Variants in FRAS1 observed in about 807,000 individuals in gnomAD.
The protein encoded by FRAS1 is Fraser extracellular matrix complex subunit 1.
FRAS1 carries 290 observed loss-of-function variants against 435.2 expected under a neutral mutation model. The observed-to-expected ratio is 0.67, with a 90% confidence interval of 0.61 to 0.73. The LOEUF (loss-of-function observed/expected upper bound fraction) is 0.73, where lower values mean the gene tolerates loss of function less well. FRAS1 is among the 30% of genes least tolerant of loss of function. The pLI, the probability that FRAS1 is intolerant of heterozygous loss-of-function variation, is 0.00. For missense variants in FRAS1, 4,860 were observed against 5,001.5 expected (o/e 0.97, Z 0.85); for synonymous variants, 1,800 against 1,851.0 (o/e 0.97, Z 0.71).
intron 2 of FRAS1, among the ~76,000 whole-genome samples, chr4:78,127,500 TG>T (rs1317272726): frequency 1.3e-5 from 2 of 152,134 alleles, no homozygotes; most frequent in East Asian, 3.9e-4. Context: ...GAGGTAGCAC[TG>T]GGGTGGAGAA....
chr4:78,267,217 C>T, intron 8 of FRAS1, 24 bp from the exon 9 acceptor site: 1 of 1,609,834 alleles, frequency 6.2e-7, no homozygotes, highest in Non-Finnish European at 8.5e-7. Context: ...AGGACTGCCC[C>T]TCACCTTCCT....
chr4:78,121,709 G>C (rs1364631191), intron 2 of FRAS1, among the ~76,000 whole-genome samples: 1 of 152,206 alleles, frequency 6.6e-6, no homozygotes, highest in Non-Finnish European at 1.5e-5. Flanking sequence ...TTTTAGACTG[G>C]ACCGTGTGTG....
intron 2 of FRAS1, among the ~76,000 whole-genome samples, chr4:78,120,129 A>T (rs1443614392): frequency 6.6e-6 from 1 of 152,212 alleles, no homozygotes; most frequent in Non-Finnish European, 1.5e-5. Flanking sequence ...TGGAATTGGC[A>T]GCATGTTTGG....
At chr4:78,233,368 C>T (rs976297666) in intron 2 of FRAS1, among the ~76,000 whole-genome samples, 5 of 152,148 alleles carry the variant, frequency 3.3e-5, no homozygotes, top group Non-Finnish European at 4.4e-5. Flanking sequence ...TTCATTTCTC[C>T]CTTATTCAAC....
chr4:78,339,798 A>G (rs549759937), intron 20 of FRAS1, among the ~76,000 whole-genome samples: 6 of 152,342 alleles, frequency 3.9e-5, no homozygotes, highest in Admixed American at 2.6e-4. Context: ...TTTGTGAGCA[A>G]TAGGGCCATG....
chr4:78,380,959 G>T (rs557278479), intron 27 of FRAS1, among the ~76,000 whole-genome samples: 1 of 152,272 alleles, frequency 6.6e-6, no homozygotes, highest in Admixed American at 6.5e-5. Flanking sequence ...TTTGAGCCAG[G>T]CATCATGTTA....
At chr4:78,254,944 C>T (rs1313693004) in intron 5 of FRAS1, among the ~76,000 whole-genome samples, 8 of 152,106 alleles carry the variant, frequency 5.3e-5, no homozygotes, top group South Asian at 2.1e-4. Flanking sequence ...CCAGCCCCCA[C>T]GAGGGTTGGG....
intron 2 of FRAS1, among the ~76,000 whole-genome samples, chr4:78,072,348 G>A (rs1740401648): frequency 6.6e-6 from 1 of 152,174 alleles, no homozygotes; most frequent in Non-Finnish European, 1.5e-5. Flanking sequence ...TAACACACAA[G>A]AGATAGCCCT....
intron 64 of FRAS1, 63 bp from the exon 65 acceptor site, chr4:78,513,329 G>A: frequency 6.6e-7 from 1 of 1,509,812 alleles, no homozygotes; most frequent in Non-Finnish European, 9.1e-7. Context: ...TGAGAAAGAA[G>A]TATGTCCTAT....
chr4:78,448,336 G>A lies in FRAS1; in HGVS notation c.6274+20G>A. 2 of 1,573,360 alleles carry A rather than the reference G, an allele frequency of 1.3e-6. No individual in the cohort carries two copies. Among genetic ancestry groups the A allele is most frequent in the Non-Finnish European group, 1.7e-6 (2 of 1,158,498 alleles). ...CAGCAGGTACCACAGAAATAAAGGAGAGTGGCCATGGTTTTTCTATCCTTA... is the reference window on the plus strand; with the variant it reads ...CAGCAGGTACCACAGAAATAAAGGAAAGTGGCCATGGTTTTTCTATCCTTA... On this transcript the variant is annotated intron_variant, in intron 44 of 73. Transcript: ENST00000512123.
rs377369857 is a variant in FRAS1, at chr4:78,508,853, C to T, written c.9627C>T (p.Tyr3209=). 2.2e-4 allele frequency: 358 copies of T among 1,613,848 alleles called. 5 individuals carry two copies. The East Asian group carries it at 4.3e-3, about 19-fold the overall frequency. Reference sequence around the variant, plus strand: ...CCTGCGACCCTCATTTCCCCAGATACGCTGTCATGAAGGAGCGCTGCAGTG... The same window carrying T: ...CCTGCGACCCTCATTTCCCCAGATATGCTGTCATGAAGGAGCGCTGCAGTG... ...VTPCDPHFPR[Y]AVMKERCSEA... Residue 3209 remains tyrosine (Y), a synonymous_variant, in exon 63 of 74, where the codon TAC becomes TAT. Transcript: ENST00000512123.
chr4:78,065,924 G>T, intron 1 of FRAS1, 61 bp from the exon 2 acceptor site: 1 of 1,257,514 alleles, frequency 8.0e-7, no homozygotes, highest in East Asian at 2.3e-5. Context: ...AAGCTTGCTG[G>T]GGCAGTGCCT....
intron 73 of FRAS1, among the ~76,000 whole-genome samples, chr4:78,539,928 CCTTCAGAACT>C (rs1161355293): frequency 1.3e-5 from 2 of 152,014 alleles, no homozygotes; most frequent in Non-Finnish European, 2.9e-5. Context: ...AATCTATGAC[CCTTCAGAACT>C]ATTATCATGC....
intron 2 of FRAS1, among the ~76,000 whole-genome samples, chr4:78,158,842 G>A (rs554589323): frequency 1.8e-4 from 28 of 152,224 alleles, no homozygotes; most frequent in South Asian, 8.3e-4. Context: ...CTGCCGTTCC[G>A]TCTTTACATC....
chr4:78,472,170 T>C lies in FRAS1; in HGVS notation c.7372-10T>C, dbSNP rs755714317. 30 of 1,613,438 alleles carry C rather than the reference T, an allele frequency of 1.9e-5. No homozygotes were observed. In the South Asian group the frequency reaches 3.2e-4, roughly 17 times the overall value. ...CCTCAGGAATTAAATTAAATGGGTT[T>C]CTATTCTAGGCAACCAACCTGATCA... On this transcript the variant is annotated splice_polypyrimidine_tract_variant and intron_variant, in intron 51 of 73. Coordinates refer to ENST00000512123, the MANE Select transcript of FRAS1 (RefSeq NM_025074.7).
intron 45 of FRAS1, 46 bp from the exon 46 acceptor site, chr4:78,451,726 G>A: frequency 2.0e-6 from 3 of 1,500,982 alleles, no homozygotes; most frequent in Non-Finnish European, 1.8e-6. Context: ...AGAAATAAGG[G>A]CAGAAAGCAC....
chr4:78,167,295 G>A (rs940071622), intron 2 of FRAS1, among the ~76,000 whole-genome samples: 3 of 152,060 alleles, frequency 2.0e-5, no homozygotes, highest in Admixed American at 2.0e-4. Context: ...CTACTTCTGG[G>A]AGCTCACAGT....
intron 70 of FRAS1, among the ~76,000 whole-genome samples, chr4:78,532,306 G>T (rs546591200): frequency 1.9e-4 from 29 of 152,192 alleles, no homozygotes; most frequent in Non-Finnish European, 2.6e-4. Flanking sequence ...CCACATAGCC[G>T]CATGTCTTAC....
rs781766235 is a variant in FRAS1, at chr4:78,374,145, C to T, written c.3045C>T (p.Pro1015=). The T allele has an allele frequency of 1.2e-6, 2 of 1,605,032 alleles. No individual in the cohort carries two copies. The highest frequency in any genetic ancestry group is 3.3e-5 in the Admixed American group (2 of 59,906). Residue 1015 remains proline (P), a synonymous_variant, in exon 25 of 74, where the codon CCC becomes CCT. Coordinates refer to ENST00000512123, the MANE Select transcript of FRAS1 (RefSeq NM_025074.7). ...GCTACTGTCTCCAGTGCCAAGGTCC[C>T]CATGAGTGTACCCGCTGCAAAGGGC... ...CDSYCLQCQG[P]HECTRCKGPF...
Sources: allele counts gnomAD v4.1 joint callset (sites outside exome capture counted in the v4.1 genomes callset), GRCh38; gene constraint gnomAD v4.1.1; transcripts MANE v1.5; gene names NCBI Gene and HGNC (gene_info 2026-07-23, HGNC 2026-07-21).